Variants in TCEAL4 observed in about 807,000 individuals in gnomAD.
The protein encoded by TCEAL4 is transcription elongation factor A like 4.
TCEAL4 carries 1 observed loss-of-function variant against 1.3 expected under a neutral mutation model. The ratio of observed to expected loss-of-function variants is 0.79; its 90% CI spans 0.28 to 3.76. TCEAL4 has a LOEUF of 3.76. Among genes scored for constraint, TCEAL4 ranks in the 30% most tolerant of loss-of-function variants. TCEAL4 has a pLI of 0.18. For synonymous variants in TCEAL4, 54 were observed against 50.7 expected (o/e 1.06, Z -0.28); for missense variants, 129 against 154.7 (o/e 0.83, Z 0.88).
Position 103,585,552 on chromosome X carries a change from C to A in TCEAL4, c.-173C>A, listed in dbSNP as rs1159954613. 8.6e-7 allele frequency: 1 copy of A among 1,158,611 alleles called. No homozygotes were observed. The highest frequency in any genetic ancestry group is 1.8e-5 in the African/African-American group (1 of 55,149). ...ATGTAGGCACCGGTCCGAGTGCCTG[C>A]CCTCTGTCCCCGCGGCTGGGTCTCG... is the stretch of plus-strand genomic sequence containing the variant. On this transcript the variant is annotated 5_prime_UTR_variant, in exon 1 of 3. Transcript: ENST00000472484.
chrX:103,580,056 T>C (rs1039553519), intron 2 of TCEAL4, among the ~76,000 whole-genome samples: 1 of 111,856 alleles, frequency 8.9e-6, no homozygotes, highest in Non-Finnish European at 1.9e-5. Context: ...CAGGGATAAA[T>C]GAAATAGCAC....
chrX:103,581,071 T>C (rs1434530039), upstream of TCEAL4, among the ~76,000 whole-genome samples: 1 of 111,127 alleles, frequency 9.0e-6, no homozygotes, highest in African/African-American at 3.3e-5. Context: ...CCCACAGAAA[T>C]ATAAAAACCA....
chrX:103,576,489 C>T (rs961388500), exon 1 of TCEAL4: 5 of 1,163,275 alleles, frequency 4.3e-6, no homozygotes, highest in Middle Eastern at 2.4e-4. Flanking sequence ...GGAGGCCAGG[C>T]GCCGCAGCTC....
intron 2 of TCEAL4, 40 bp downstream of exon 2, chrX:103,586,331 A>G: frequency 8.6e-7 from 1 of 1,159,880 alleles, no homozygotes; most frequent in Non-Finnish European, 1.2e-6. Flanking sequence ...GGGGCCCACA[A>G]GGGTTGAGAG....
rs751687533 is a variant in TCEAL4, at chrX:103,577,251, T to A, written c.183+38T>A. The A allele has an allele frequency of 5.3e-6, 6 of 1,130,293 alleles. No homozygotes were observed. The South Asian group carries it at 1.0e-4, about 19-fold the overall frequency. 93.1% of individuals were successfully genotyped at this position (1,130,293 alleles called of 1,213,427 possible). A position where few individuals can be genotyped will look rare whatever the true frequency, so the allele number is the denominator to read the frequency against. ...ATGCAATATGCATATAGATATTCAA[T>A]AGATCAATGTTGTTAATAGTAAAAG... On this transcript the variant is annotated intron_variant, in intron 2 of 4. Coordinates refer to the TCEAL4 transcript ENST00000372629.
chrX:103,586,745 C>T lies in TCEAL4; in HGVS notation c.70C>T (p.Pro24Ser). Residue 24 changes from proline to serine, a missense_variant, in exon 3 of 3, where the codon CCA becomes TCA. Pro to Ser is a moderately conservative substitution (Grantham distance 74, BLOSUM62 -1). This residue lies in a region of TCEAL4 where 116 missense variants were observed against 120.3 expected (regional missense o/e 0.96). Coordinates refer to ENST00000472484, the MANE Select transcript of TCEAL4 (RefSeq NM_001006935.3). ...AGGAAAGATGGAAAATGAAGAACAG[C>T]CACAAGACGAGAGAAAGCCAGAAGT... ...NQGKMENEEQ[P>S]QDERKPEVTC... 1 of 1,211,370 alleles carries T rather than the reference C, an allele frequency of 8.3e-7. No homozygotes were observed. The highest frequency in any genetic ancestry group is 1.1e-6 in the Non-Finnish European group (1 of 895,338).
Position 103,586,273 on chromosome X carries a change from C to T in TCEAL4, c.-46C>T. 3 of 1,166,786 alleles carry T rather than the reference C, an allele frequency of 2.6e-6. No homozygotes were observed. The highest frequency in any genetic ancestry group is 3.4e-6 in the Non-Finnish European group (3 of 873,072). On this transcript the variant is annotated 5_prime_UTR_variant, in exon 2 of 3. Transcript: ENST00000472484. Reference sequence around the variant, plus strand: ...GCGAAGCCTGAAAAGGAGGAGCAACCTGTCCAGAATCCCCGCAGGTCCGTG... The same window carrying T: ...GCGAAGCCTGAAAAGGAGGAGCAACTTGTCCAGAATCCCCGCAGGTCCGTG...
chrX:103,580,252 T>A (rs2073501706), intron 2 of TCEAL4, among the ~76,000 whole-genome samples: 1 of 112,023 alleles, frequency 8.9e-6, no homozygotes, highest in Non-Finnish European at 1.9e-5. Context: ...TATATAAGGA[T>A]TAATTATTTT....
chrX:103,577,144 A>C, exon 2 of TCEAL4: 2 of 1,167,509 alleles, frequency 1.7e-6, no homozygotes, highest in Non-Finnish European at 2.3e-6. Flanking sequence ...GTCAATGCGA[A>C]GAATGGAAAG....
At chrX:103,580,908 G>A (rs1344561537), upstream of TCEAL4, among the ~76,000 whole-genome samples, 2 of 111,132 alleles carry the variant, frequency 1.8e-5, no homozygotes, top group Non-Finnish European at 3.8e-5. Flanking sequence ...AACTGAAGGA[G>A]ATAGAGCTAT....
intron 2 of TCEAL4, among the ~76,000 whole-genome samples, chrX:103,577,471 A>C (rs1327050516): frequency 1.5e-4 from 17 of 112,152 alleles, no homozygotes; most frequent in Non-Finnish European, 1.9e-5. Flanking sequence ...ATTTCATTAA[A>C]TATACAAATT....
intron 2 of TCEAL4, among the ~76,000 whole-genome samples, chrX:103,578,074 A>AT (rs1488990865): frequency 3.6e-5 from 4 of 112,211 alleles, no homozygotes; most frequent in Non-Finnish European, 7.5e-5. Flanking sequence ...TAAATGTTGC[A>AT]TATTAATGGA....
In TCEAL4 at chrX:103,585,722, A is replaced by C; in HGVS notation, c.-101+98A>C. 3.5e-6 allele frequency: 4 copies of C among 1,157,740 alleles called. No homozygotes were observed. In the South Asian group the frequency reaches 5.8e-5, roughly 17 times the overall value. ...AAAGGCTGGGGGTGGGGTCGGGTCGAGTCGAGGGAAGCTGGCCCGAGTGTG... is the reference window on the plus strand; with the variant it reads ...AAAGGCTGGGGGTGGGGTCGGGTCGCGTCGAGGGAAGCTGGCCCGAGTGTG... On this transcript the variant is annotated intron_variant, in intron 1 of 2. Coordinates refer to ENST00000472484, the MANE Select transcript of TCEAL4 (RefSeq NM_001006935.3).
intron 2 of TCEAL4, among the ~76,000 whole-genome samples, chrX:103,579,157 T>C (rs951159893): frequency 3.6e-5 from 4 of 112,525 alleles, no homozygotes; most frequent in African/African-American, 1.3e-4. Flanking sequence ...GGACTCTCAA[T>C]TATATTCCAT....
upstream of TCEAL4, among the ~76,000 whole-genome samples, chrX:103,584,202 A>G (rs2073522743): frequency 9.0e-6 from 1 of 111,623 alleles, no homozygotes; most frequent in Admixed American, 9.5e-5. Context: ...CGCTGGGATT[A>G]CAGGTGTGAG....
In TCEAL4 at chrX:103,585,591, C is replaced by G; in HGVS notation, c.-134C>G. The G allele has an allele frequency of 8.6e-7, 1 of 1,164,807 alleles. No homozygotes were observed. The highest frequency in any genetic ancestry group is 1.9e-5 in the South Asian group (1 of 52,627). On this transcript the variant is annotated 5_prime_UTR_variant, in exon 1 of 3. Coordinates refer to ENST00000472484, the MANE Select transcript of TCEAL4 (RefSeq NM_001006935.3). ...GGCTGGGTCTCGTCTGCTCCGGTTC[C>G]TGGGCTCCTAATTCTTGGTCCAGCT...
upstream of TCEAL4, among the ~76,000 whole-genome samples, chrX:103,584,772 A>C (rs1179265117): frequency 8.9e-6 from 1 of 112,404 alleles, no homozygotes; most frequent in East Asian, 2.8e-4. Flanking sequence ...AAACACAAAG[A>C]CTTCAGCTAC....
intron 2 of TCEAL4, among the ~76,000 whole-genome samples, chrX:103,577,523 T>C (rs1454652034): frequency 1.8e-5 from 2 of 111,694 alleles, no homozygotes; most frequent in Non-Finnish European, 3.8e-5. Context: ...AAATATAGCA[T>C]ACAACCCCAC....
chrX:103,581,909 A>G (rs1039331914), upstream of TCEAL4, among the ~76,000 whole-genome samples: 2 of 111,677 alleles, frequency 1.8e-5, no homozygotes, highest in Non-Finnish European at 1.9e-5. Flanking sequence ...ATCAGGCAAA[A>G]GAAAGAAATA....
Sources: gnomAD v4.1 joint callset for allele counts (sites outside exome capture counted in the v4.1 genomes callset) on GRCh38, gnomAD v4.1.1 for gene constraint, gnomAD v4.1.1 regional missense constraint, MANE v1.5 for transcripts, NCBI Gene and HGNC (gene_info 2026-07-23, HGNC 2026-07-21) for gene names.